Variants in FBLN2 observed in about 807,000 individuals in gnomAD.
FBLN2 encodes the protein fibulin-2.
Under a neutral mutation model 123.7 loss-of-function variants are expected in FBLN2, and 81 were observed. That is an observed-to-expected ratio of 0.65 (90% confidence interval 0.55 to 0.79). FBLN2 has a LOEUF of 0.79. Ranked by LOEUF, FBLN2 falls within the 30% of genes least tolerant of loss-of-function variation. The pLI, the probability that FBLN2 is intolerant of heterozygous loss-of-function variation, is 0.00. For synonymous variants in FBLN2, 699 were observed against 701.4 expected (o/e 1.00, Z 0.05); for missense variants, 1,603 against 1,681.3 (o/e 0.95, Z 0.81).
At chr3:13,580,344 A>G (rs929592407) in intron 2 of FBLN2, among the ~76,000 whole-genome samples, 1 of 152,174 alleles carries the variant, frequency 6.6e-6, no homozygotes, top group African/African-American at 2.4e-5. Context: ...TTACACCTGC[A>G]GTCATGAGAA....
chr3:13,594,279 C>T (rs892004312), intron 2 of FBLN2, among the ~76,000 whole-genome samples: 2 of 152,098 alleles, frequency 1.3e-5, no homozygotes, highest in African/African-American at 4.8e-5. Context: ...CCCACTTGCC[C>T]GGGCTTGATG....
chr3:13,618,190 T>C lies in FBLN2; in HGVS notation c.1844T>C (p.Leu615Pro). ...QDECLLLPGE[L>P]CQHLCINTVG... ...GAGTGCCTTCTCCTCCCGGGAGAGC[T>C]GTGCCAGCACCTTTGCATCAATACT... is the stretch of plus-strand genomic sequence containing the variant. Residue 615 changes from leucine (L) to proline (P), a missense_variant, in exon 6 of 18, where the codon CTG becomes CCG. Physicochemically the swap from Leu to Pro is moderately conservative, Grantham distance 98. Transcript: ENST00000404922. 2 of 1,613,838 alleles carry C rather than the reference T, an allele frequency of 1.2e-6. No individual in the cohort carries two copies. The highest frequency in any genetic ancestry group is 1.1e-5 in the South Asian group (1 of 91,092).
At chr3:13,597,966 C>G (rs1428470156) in intron 2 of FBLN2, among the ~76,000 whole-genome samples, 3 of 152,248 alleles carry the variant, frequency 2.0e-5, no homozygotes, top group African/African-American at 7.2e-5. Context: ...ACCTGCGTCT[C>G]TCTTTCCACA....
chr3:13,637,735 G>A lies in FBLN2; in HGVS notation c.3512G>A (p.Gly1171Asp). The change falls in exon 18 of 18, where the codon GGC (glycine) becomes GAC (aspartate). Residue 1171 changes from glycine to aspartate, a missense_variant. Coordinates refer to ENST00000404922, the MANE Select transcript of FBLN2 (RefSeq NM_001004019.2). Reference protein sequence around the residue: ...GDTIALNIIKGNEEGYFGTRR... With the variant: ...GDTIALNIIKDNEEGYFGTRR... ...ACCATCGCCCTGAACATCATCAAGG[G>A]CAATGAGGAGGGCTACTTTGGCACG... The A allele has an allele frequency of 6.2e-7, 1 of 1,613,996 alleles. No homozygotes were observed.
Position 13,609,602 on chromosome 3 carries a change from G to A in FBLN2, c.1508G>A (p.Gly503Glu), listed in dbSNP as rs1198561651. 5.1e-6 allele frequency: 8 copies of A among 1,572,106 alleles called. No individual in the cohort carries two copies. The highest frequency in any genetic ancestry group is 1.4e-5 in the African/African-American group (1 of 74,058). The part of the protein sequence containing the change: ...VLGAKEGETC[G>E]AEDNDSCGIS... Reference sequence around the variant, plus strand: ...GGAGCCAAGGAGGGTGAGACCTGTGGGGCTGAGGACAACGACAGCTGCGGC... The same window carrying A: ...GGAGCCAAGGAGGGTGAGACCTGTGAGGCTGAGGACAACGACAGCTGCGGC... Residue 503 changes from glycine (G) to glutamate (E), a missense_variant, in exon 4 of 18, where the codon GGG (glycine) becomes GAG (glutamate). Physicochemically the swap from Gly to Glu is moderately conservative, Grantham distance 98 (BLOSUM62 -2). Transcript: ENST00000404922.
chr3:13,607,028 C>T (rs1260695600), intron 2 of FBLN2, among the ~76,000 whole-genome samples: 1 of 151,714 alleles, frequency 6.6e-6, no homozygotes, highest in Non-Finnish European at 1.5e-5. Flanking sequence ...TGCTCTGTCA[C>T]CCAGGCTGGA....
chr3:13,597,357 C>G (rs535267472), intron 2 of FBLN2, among the ~76,000 whole-genome samples: 18 of 152,346 alleles, frequency 1.2e-4, no homozygotes, highest in South Asian at 1.0e-3. Flanking sequence ...GGCAGCAGGA[C>G]AGAAACCATA....
chr3:13,552,175 G>A (rs1456177976), intron 1 of FBLN2, among the ~76,000 whole-genome samples: 2 of 151,864 alleles, frequency 1.3e-5, no homozygotes, highest in East Asian at 1.9e-4. Context: ...GATCCTAAAG[G>A]TCCCTTCCCC....
chr3:13,594,456 T>C (rs1015803474), intron 2 of FBLN2, among the ~76,000 whole-genome samples: 4 of 152,196 alleles, frequency 2.6e-5, no homozygotes, highest in Non-Finnish European at 5.9e-5. Context: ...ATTCCTGGGC[T>C]CAGGGGACCT....
At chr3:13,569,700 T>C (rs1404479225) in intron 1 of FBLN2, among the ~76,000 whole-genome samples, 1 of 151,700 alleles carries the variant, frequency 6.6e-6, no homozygotes, top group Non-Finnish European at 1.5e-5. Context: ...GTCTGCGGGC[T>C]GGGGCTGTAG....
In FBLN2 at chr3:13,630,296, G is replaced by A. The variant is rs576820329; in HGVS notation, c.2968+351G>A. ...GCGGGACGCGCCTGTGGCTGAGGGA[G>A]GGGCTGTAACATTATTCCCATGTGT... On this transcript the variant is annotated intron_variant, in intron 14 of 17. Coordinates refer to ENST00000404922, the MANE Select transcript of FBLN2 (RefSeq NM_001004019.2). Among the ~76,000 whole-genome samples, 48 of 152,362 alleles carry A rather than the reference G, an allele frequency of 3.2e-4. 1 individual carries two copies. The South Asian group carries it at 9.5e-3, about 30-fold the overall frequency.
intron 3 of FBLN2, 113 bp downstream of exon 3, chr3:13,608,286 T>C (rs1270203986): frequency 9.7e-6 from 7 of 719,854 alleles, no homozygotes; most frequent in African/African-American, 1.8e-5. Flanking sequence ...TTCACATGCC[T>C]CTGGGGCATG....
At chr3:13,570,187 T>C in intron 1 of FBLN2, 128 bp from the exon 2 acceptor site, 1 of 974,898 alleles carries the variant, frequency 1.0e-6, no homozygotes, top group Non-Finnish European at 1.5e-6. Context: ...GTGCTTAGTG[T>C]GCTCCTGGGG....
intron 2 of FBLN2, among the ~76,000 whole-genome samples, chr3:13,580,047 G>A (rs1317392838): frequency 2.0e-5 from 3 of 152,176 alleles, no homozygotes; most frequent in Non-Finnish European, 1.5e-5. Context: ...GTGCCATTGC[G>A]TGTATCGGGA....
chr3:13,555,515 C>T (rs1176990599), intron 1 of FBLN2, among the ~76,000 whole-genome samples: 4 of 151,736 alleles, frequency 2.6e-5, no homozygotes, highest in South Asian at 4.2e-4. Flanking sequence ...AGTGCAGTGG[C>T]GCCATCTCGG....
chr3:13,568,844 T>A, intron 1 of FBLN2: 2 of 985,666 alleles, frequency 2.0e-6, no homozygotes, highest in Non-Finnish European at 2.4e-6. Context: ...CCTGAGGGTG[T>A]CAGTGCTGTG....
At chr3:13,610,916 AT>A (rs1270037412) in intron 4 of FBLN2, among the ~76,000 whole-genome samples, 28 of 144,694 alleles carry the variant, frequency 1.9e-4, no homozygotes, top group Non-Finnish European at 3.3e-4. Flanking sequence ...TATTATTATT[AT>A]TATTATTATT....
chr3:13,573,246 T>C (rs536021620), intron 2 of FBLN2, among the ~76,000 whole-genome samples: 8 of 152,196 alleles, frequency 5.3e-5, no homozygotes, highest in African/African-American at 1.9e-4. Flanking sequence ...TTCAATCAAG[T>C]TCAATTCCCT....
At chr3:13,559,058 G>T (rs1703540293) in intron 1 of FBLN2, among the ~76,000 whole-genome samples, 1 of 152,148 alleles carries the variant, frequency 6.6e-6, no homozygotes, top group African/African-American at 2.4e-5. Flanking sequence ...GGGTTAGTTG[G>T]TGAAGGGCTT....
Sources: gnomAD v4.1 joint callset for allele counts (sites outside exome capture counted in the v4.1 genomes callset) on GRCh38, gnomAD v4.1.1 for gene constraint, MANE v1.5 for transcripts, NCBI Gene and HGNC (gene_info 2026-07-23, HGNC 2026-07-21) for gene names.